Variants in PTPRN2 observed in about 807,000 individuals in gnomAD.
The protein encoded by PTPRN2 is protein tyrosine phosphatase receptor type N2.
A neutral mutation model predicts 118.8 loss-of-function variants in PTPRN2; 74 were observed. The observed-to-expected ratio is 0.62, with a 90% CI of 0.52 to 0.76. PTPRN2 has a LOEUF of 0.76. Among genes scored for constraint, PTPRN2 ranks in the 30% least tolerant of loss-of-function variants. The probability of loss-of-function intolerance (pLI) is 0.00; values close to 1 mark genes in which losing one functional copy is unlikely to be tolerated. For synonymous variants in PTPRN2, 641 were observed against 608.0 expected (o/e 1.05, Z -0.80); for missense variants, 1,481 against 1,394.4 (o/e 1.06, Z -0.99).
chr7:157,742,963 C>T (rs559082604), intron 12 of PTPRN2, among the ~76,000 whole-genome samples: 9 of 152,240 alleles, frequency 5.9e-5, no homozygotes, highest in African/African-American at 1.2e-4. Context: ...ATTGCATGAA[C>T]GTGATGCATG....
At chr7:157,652,332 G>A (rs1325342106) in intron 14 of PTPRN2, among the ~76,000 whole-genome samples, 1 of 152,184 alleles carries the variant, frequency 6.6e-6, no homozygotes, top group Non-Finnish European at 1.5e-5. Flanking sequence ...ATGCTCACCC[G>A]GTTTTACCCT....
chr7:157,652,957 G>A (rs568932036), intron 14 of PTPRN2, among the ~76,000 whole-genome samples: 111 of 152,356 alleles, frequency 7.3e-4, no homozygotes, highest in African/African-American at 2.5e-3. Context: ...CCCCAGGGCG[G>A]GAGGGGGCTC....
intron 12 of PTPRN2, among the ~76,000 whole-genome samples, chr7:157,726,556 A>G (rs1799612924): frequency 6.6e-6 from 1 of 152,264 alleles, no homozygotes; most frequent in Non-Finnish European, 1.5e-5. Context: ...TGTGAGACCT[A>G]AAACATACAG....
rs1805391635 is a variant in PTPRN2, at chr7:158,003,134, G to A, written c.1723+78164C>T. 6.6e-6 allele frequency among the ~76,000 whole-genome samples: 1 copy of A among 152,156 alleles called. No homozygotes were observed. On this transcript the variant is annotated intron_variant, in intron 11 of 22. Coordinates refer to ENST00000389418, the MANE Select transcript of PTPRN2 (RefSeq NM_002847.5). This position sits in a 1 kb window ranked among gnomAD's most constrained non-coding sequence, Gnocchi z 5.0. Reference sequence around the variant, plus strand: ...GGGCCTCTAAAGAGGTAAAGGTAAGGCCGGGCGCGGTGGCTCACGCCTGTA... The same window carrying A: ...GGGCCTCTAAAGAGGTAAAGGTAAGACCGGGCGCGGTGGCTCACGCCTGTA...
chr7:158,513,953 G>T (rs1289438126), intron 1 of PTPRN2, among the ~76,000 whole-genome samples: 1 of 152,216 alleles, frequency 6.6e-6, no homozygotes, highest in East Asian at 1.9e-4. Context: ...ACACTAAGTT[G>T]ATATTTCAAA....
At chr7:158,241,305 A>G (rs898590637) in intron 3 of PTPRN2, among the ~76,000 whole-genome samples, 8 of 152,182 alleles carry the variant, frequency 5.3e-5, no homozygotes, top group Admixed American at 2.0e-4. Context: ...ACCTGAGGTT[A>G]GGAGTTCAAG....
intron 2 of PTPRN2, among the ~76,000 whole-genome samples, chr7:158,332,694 G>C (rs1195029137): frequency 6.8e-6 from 1 of 147,968 alleles, no homozygotes; most frequent in Non-Finnish European, 1.5e-5. Context: ...CTAACCATAA[G>C]AGTTGACACC....
intron 2 of PTPRN2, among the ~76,000 whole-genome samples, chr7:158,475,257 G>GAAGGGCCCCGAGGACTCCCCA (rs1563336965): frequency 7.5e-5 from 11 of 147,492 alleles, no homozygotes; most frequent in East Asian, 1.9e-4. Context: ...AGGACTCCCC[G>GAAGGGCCCCGAGGACTCCCCA]GCTTCCCCTG....
At chr7:158,337,749 C>A (rs528538065) in intron 2 of PTPRN2, among the ~76,000 whole-genome samples, 1 of 142,014 alleles carries the variant, frequency 7.0e-6, no homozygotes, top group African/African-American at 2.7e-5. Context: ...ACACTCTCAC[C>A]ATAAGAGGTG....
intron 12 of PTPRN2, among the ~76,000 whole-genome samples, chr7:157,875,122 C>T (rs1189983576): frequency 2.0e-5 from 3 of 152,280 alleles, no homozygotes; most frequent in Admixed American, 6.5e-5. Context: ...GTCTGACAGC[C>T]GTACAGGAAG....
chr7:157,548,869 C>T (rs933319122), intron 22 of PTPRN2, 77 bp downstream of exon 22: 16 of 1,398,536 alleles, frequency 1.1e-5, no homozygotes, highest in Non-Finnish European at 1.6e-5. Context: ...CAGGCCCTCC[C>T]CGTGCTCCTC....
intron 17 of PTPRN2, among the ~76,000 whole-genome samples, chr7:157,578,827 T>A (rs1419522286): frequency 6.6e-6 from 1 of 152,256 alleles, no homozygotes; most frequent in Non-Finnish European, 1.5e-5. Context: ...AACCCACATC[T>A]TAACATTTAC....
intron 6 of PTPRN2, among the ~76,000 whole-genome samples, chr7:158,152,019 A>G (rs1821231886): frequency 6.6e-6 from 1 of 151,864 alleles, no homozygotes; most frequent in Non-Finnish European, 1.5e-5. Context: ...TAAAAATACA[A>G]AAAAATTAGC....
chr7:158,071,348 C>T (rs1351528849), intron 11 of PTPRN2, among the ~76,000 whole-genome samples: 12 of 89,606 alleles, frequency 1.3e-4, no homozygotes, highest in East Asian at 7.5e-4. Context: ...TGGAGGTGCT[C>T]GTGGTGGTGG....
intron 2 of PTPRN2, among the ~76,000 whole-genome samples, chr7:158,450,561 C>T (rs1319063253): frequency 1.3e-5 from 2 of 152,186 alleles, no homozygotes; most frequent in Non-Finnish European, 2.9e-5. Context: ...GGGGAGCCAC[C>T]GCCGACTTGA....
rs138827411 is a variant in PTPRN2 at position 157,697,919 on chromosome 7, A to T, written c.1789-14982T>A. 7.4e-3 allele frequency among the ~76,000 whole-genome samples: 1,118 copies of T among 150,418 alleles called. 10 individuals are homozygous for T. The highest frequency in any genetic ancestry group is 0.026 in the African/African-American group (1,065 of 40,712). ...GAGCCCTCACCATCTACTCATGCAT[A>T]CTGGGTCTTGGCAGAGCCCTCACCA... is the stretch of plus-strand genomic sequence containing the variant. On this transcript the variant is annotated intron_variant, in intron 12 of 22. Coordinates refer to ENST00000389418, the MANE Select transcript of PTPRN2 (RefSeq NM_002847.5).
chr7:158,417,007 A>C (rs1325843776), intron 2 of PTPRN2, among the ~76,000 whole-genome samples: 1 of 151,280 alleles, frequency 6.6e-6, no homozygotes, highest in Non-Finnish European at 1.5e-5. Context: ...CACACACTAC[A>C]TCGAGATGCT....
At chr7:158,479,666 C>T (rs1820521927) in intron 2 of PTPRN2, among the ~76,000 whole-genome samples, 1 of 152,262 alleles carries the variant, frequency 6.6e-6, no homozygotes, top group Admixed American at 6.5e-5. Context: ...GAGATCTACG[C>T]TCTGTGAATC....
intron 13 of PTPRN2, among the ~76,000 whole-genome samples, chr7:157,668,426 G>A (rs888119738): frequency 3.9e-5 from 6 of 152,218 alleles, no homozygotes; most frequent in African/African-American, 7.2e-5. Flanking sequence ...CGTGTTGCCC[G>A]AGTGTGCGCA....
Sources: allele counts gnomAD v4.1 joint callset (sites outside exome capture counted in the v4.1 genomes callset), GRCh38; gene constraint gnomAD v4.1.1; non-coding constraint Gnocchi (gnomAD v3.1); transcripts MANE v1.5; gene names NCBI Gene and HGNC (gene_info 2026-07-23, HGNC 2026-07-21).